The following SPRY4 variants were observed in gnomAD, a reference collection of about 807,000 sequenced individuals.
SPRY4 encodes protein sprouty homolog 4.
A neutral mutation model predicts 17.0 loss-of-function variants in SPRY4; 7 were observed. That is an observed-to-expected ratio of 0.41 (90% CI 0.23 to 0.77). The LOEUF (loss-of-function observed/expected upper bound fraction) is 0.77. Among genes scored for constraint, SPRY4 ranks in the 30% least tolerant of loss-of-function variants. The probability of loss-of-function intolerance (pLI) is 0.32; values close to 1 mark genes in which losing one functional copy is unlikely to be tolerated. For missense variants in SPRY4, 435 were observed against 419.9 expected (o/e 1.04, Z -0.31); for synonymous variants, 183 against 174.1 (o/e 1.05, Z -0.40).
chr5:142,319,184 A>T (rs1490936487), intron 1 of SPRY4, among the ~76,000 whole-genome samples: 1 of 151,824 alleles, frequency 6.6e-6, no homozygotes, highest in East Asian at 1.9e-4. Context: ...ACAACCATGG[A>T]CTCCTCCAGC....
rs1554099210 is a variant in SPRY4 at position 142,311,935 on chromosome 5, G to GGGGTGT, written c.*2273_*2274insACACCC. 2 of 140,384 alleles carry GGGGTGT rather than the reference G, an allele frequency of 1.4e-5. No homozygotes were observed. Among genetic ancestry groups the GGGGTGT allele is most frequent in the African/African-American group, 5.4e-5 (2 of 36,848 alleles). The allele number at this position is 140,384 out of a possible 1,614,324, so 8.7% of individuals were successfully genotyped here. On this transcript the variant is annotated 3_prime_UTR_variant, in exon 2 of 2. Coordinates refer to ENST00000434127, the MANE Select transcript of SPRY4 (RefSeq NM_001127496.3). Reference sequence around the variant, plus strand: ...CGGTAGACAGTCAGTGTGGGGTAGGGGTGTGTGTGTGTGTGTGTGTGTGTG... The same window carrying GGGGTGT: ...CGGTAGACAGTCAGTGTGGGGTAGGGGGGTGTGTGTGTGTGTGTGTGTGTGTGTGTG...
Position 142,314,217 on chromosome 5 carries a change from G to T in SPRY4, c.892C>A (p.Pro298Thr). The change falls in exon 2 of 2, where the codon CCT becomes ACT. Residue 298 changes from proline (P) to threonine (T), a missense_variant. By Grantham distance (38) the Pro-to-Thr change is conservative (BLOSUM62 -1). Coordinates refer to ENST00000434127, the MANE Select transcript of SPRY4 (RefSeq NM_001127496.3). The surrounding 1 kb of genome is among the most constrained non-coding windows in gnomAD (Gnocchi z 4.8). ...GDAKTSRPDK[P>T]F ...GGCTTCGACACAAACTGTCAGAAAG[G>T]CTTGTCGGGCCTGCTGGTCTTGGCA... 3 of 1,607,018 alleles carry T rather than the reference G, an allele frequency of 1.9e-6. No individual in the cohort carries two copies. The highest frequency in any genetic ancestry group is 1.7e-6 in the Non-Finnish European group (2 of 1,177,266).
rs200416424 is a variant in SPRY4, at chr5:142,314,926, G to A, written c.183C>T (p.Thr61=). 5.8e-5 allele frequency: 94 copies of A among 1,612,846 alleles called. No individual in the cohort carries two copies. Among genetic ancestry groups the A allele is most frequent in the Non-Finnish European group, 7.5e-5 (89 of 1,179,042 alleles). ...CGCCCCGGGTCCGCTTTGGGCCGGT[G>A]GTCAGGGCCAGGCTAGGGTTGTCTA... ...DYIDNPSLAL[T]TGPKRTRGGA... The change falls in exon 2 of 2, where the codon ACC becomes ACT. Residue 61 remains threonine (T), a synonymous_variant. Transcript: ENST00000434127. This position sits in a 1 kb window ranked among gnomAD's most constrained non-coding sequence, Gnocchi z 4.8.
chr5:142,316,602 T>C (rs1052537545), intron 1 of SPRY4, among the ~76,000 whole-genome samples: 1 of 152,082 alleles, frequency 6.6e-6, no homozygotes, highest in African/African-American at 2.4e-5. Context: ...TGGGGTGGGG[T>C]TTTAGTAAAT....
In SPRY4 at chr5:142,314,102, C is replaced by A. The variant is rs962728538; in HGVS notation, c.*107G>T. 3.2e-6 allele frequency: 4 copies of A among 1,233,066 alleles called. No homozygotes were observed. The highest frequency in any genetic ancestry group is 4.4e-6 in the Non-Finnish European group (4 of 903,636). The allele number at this position is 1,233,066 out of a possible 1,614,324, so 76.4% of individuals were successfully genotyped here. On this transcript the variant is annotated 3_prime_UTR_variant, in exon 2 of 2. Transcript: ENST00000434127. The surrounding 1 kb of genome is among the most constrained non-coding windows in gnomAD (Gnocchi z 4.8). ...TGGGGGTAGGGAGTGGGCAGACTAG[C>A]AAGGTCAGCCTCAGGAGGCTAAAAC...
chr5:142,314,621 CCACAGGCCTCG>C lies in SPRY4; in HGVS notation c.477_487del (p.Cys159TrpfsTer4). On this transcript the variant is annotated frameshift_variant, in exon 2 of 2. Coordinates refer to ENST00000434127, the MANE Select transcript of SPRY4 (RefSeq NM_001127496.3). LOFTEE classifies it high-confidence loss of function. The surrounding 1 kb of genome is among the most constrained non-coding windows in gnomAD (Gnocchi z 4.8). ...TGCACACTCCTTGCATTTACACTTC[CCACAGGCCTCG>C]CACAGCAAGAAGTGCTTGTCCAGCT... The C allele has an allele frequency of 6.2e-7, 1 of 1,614,224 alleles. No individual in the cohort carries two copies. The highest frequency in any genetic ancestry group is 8.5e-7 in the Non-Finnish European group (1 of 1,180,038).
At chr5:142,318,142 C>G in intron 1 of SPRY4, 1 of 984,922 alleles carries the variant, frequency 1.0e-6, no homozygotes, top group Non-Finnish European at 1.2e-6. Context: ...ATTTAAGAAC[C>G]CCTCAGCACA....
At chr5:142,323,361 T>G (rs1162761940) in intron 1 of SPRY4, among the ~76,000 whole-genome samples, 1 of 152,154 alleles carries the variant, frequency 6.6e-6, no homozygotes, top group African/African-American at 2.4e-5. Context: ...CTGGAGAGAA[T>G]CACGCCACTG....
chr5:142,315,257 T>C (rs1472371716), intron 1 of SPRY4, 102 bp from the exon 2 acceptor site: 2 of 710,448 alleles, frequency 2.8e-6, no homozygotes, highest in Non-Finnish European at 4.6e-6. Context: ...AGCCGCCCAA[T>C]TGACATAGGA....
rs771426744 is a variant in SPRY4 at position 142,314,804 on chromosome 5, C to T, written c.305G>A (p.Ser102Asn). The change falls in exon 2 of 2, where the codon AGC becomes AAC. Residue 102 changes from serine to asparagine, a missense_variant. Physicochemically the swap from Ser to Asn is conservative, Grantham distance 46. Transcript: ENST00000434127. The surrounding 1 kb of genome is among the most constrained non-coding windows in gnomAD (Gnocchi z 4.8). ...FSGRPSSVSSSSSTSSDQRLL... is the reference protein window; with the variant it reads ...FSGRPSSVSSNSSTSSDQRLL... ...CCGTTGGTCAGAGGATGTGCTGCTG[C>T]TGCTGCTCACAGAGCTGGGGCGCCC... The T allele has an allele frequency of 6.3e-7, 1 of 1,593,424 alleles. No homozygotes were observed. The highest frequency in any genetic ancestry group is 1.1e-5 in the South Asian group (1 of 88,662).
At chr5:142,316,924 G>T in intron 1 of SPRY4, 1 of 899,198 alleles carries the variant, frequency 1.1e-6, no homozygotes, top group Non-Finnish European at 1.3e-6. Flanking sequence ...TTAAAAGGAT[G>T]CTGGTATTTC....
rs779627371 is a variant in SPRY4 at position 142,314,288 on chromosome 5, C to T, written c.821G>A (p.Arg274His). Reference protein sequence around the residue: ...GYDRLRRPGCRCKHTNSVICK... With the variant: ...GYDRLRRPGCHCKHTNSVICK... ...GATGACGCTGTTCGTGTGCTTGCAG[C>T]GGCAACCAGGGCGGCGCAGACGGTC... is the stretch of plus-strand genomic sequence containing the variant. Residue 274 changes from arginine (R) to histidine (H), a missense_variant, in exon 2 of 2, where the codon CGC (arginine) becomes CAC (histidine). Arg to His is a conservative substitution (Grantham distance 29). Coordinates refer to ENST00000434127, the MANE Select transcript of SPRY4 (RefSeq NM_001127496.3). The surrounding 1 kb of genome is among the most constrained non-coding windows in gnomAD (Gnocchi z 4.8). 5.5e-5 allele frequency: 89 copies of T among 1,613,674 alleles called. 1 individual carries two copies. Among genetic ancestry groups the T allele is most frequent in the Non-Finnish European group, 6.8e-5 (80 of 1,179,984 alleles).
At position 142,314,304 on chromosome 5, in the gene SPRY4, G is replaced by A. The variant is rs773430976; in HGVS notation, c.805C>T (p.Arg269Cys). The change falls in exon 2 of 2, where the codon CGC becomes TGC. Residue 269 changes from arginine to cysteine, a missense_variant. Coordinates refer to ENST00000434127, the MANE Select transcript of SPRY4 (RefSeq NM_001127496.3). This position sits in a 1 kb window ranked among gnomAD's most constrained non-coding sequence, Gnocchi z 4.8. The part of the protein sequence containing the change: ...KLAQRGYDRL[R>C]RPGCRCKHTN... ...TGCTTGCAGCGGCAACCAGGGCGGC[G>A]CAGACGGTCGTAGCCACGCTGGGCC... The A allele has an allele frequency of 2.5e-5, 40 of 1,613,736 alleles. 1 individual carries two copies. Among genetic ancestry groups the A allele is most frequent in the Middle Eastern group, 3.3e-4 (2 of 6,078 alleles).
At position 142,322,489 on chromosome 5, in the gene SPRY4, T is replaced by A. The variant is rs1367511792; in HGVS notation, c.-48+2355A>T. On this transcript the variant is annotated intron_variant, in intron 1 of 1. Coordinates refer to ENST00000434127, the MANE Select transcript of SPRY4 (RefSeq NM_001127496.3). Reference sequence around the variant, plus strand: ...CGTCTCAAGAAAAAAAAAAAATATATATATATATATATAAATGAAAACGAC... The same window carrying A: ...CGTCTCAAGAAAAAAAAAAAATATAAATATATATATATAAATGAAAACGAC... 3.1e-3 allele frequency among the ~76,000 whole-genome samples: 409 copies of A among 131,894 alleles called. 2 individuals are homozygous for A. Among genetic ancestry groups the A allele is most frequent in the East Asian group, 1.0e-2 (36 of 3,612 alleles). 86.5% of individuals were successfully genotyped at this position (131,894 alleles called of 152,430 possible). A position where few individuals can be genotyped will look rare whatever the true frequency, so the allele number is the denominator to read the frequency against.
chr5:142,319,697 G>A (rs775248610), intron 1 of SPRY4: 2 of 1,598,542 alleles, frequency 1.3e-6, no homozygotes, highest in African/African-American at 1.3e-5. Flanking sequence ...TGCTTGGCGG[G>A]TCTGGGAGCC....
chr5:142,318,915 G>A (rs991986072), intron 1 of SPRY4, among the ~76,000 whole-genome samples: 11 of 152,268 alleles, frequency 7.2e-5, no homozygotes, highest in African/African-American at 1.7e-4. Context: ...GCCAGGCTCC[G>A]TGCTAAGCCC....
intron 1 of SPRY4, 132 bp from the exon 2 acceptor site, chr5:142,315,287 C>CT (rs1455285524): frequency 3.3e-6 from 2 of 610,846 alleles, no homozygotes; most frequent in African/African-American, 3.7e-5. Context: ...CCTCTGTGGA[C>CT]TTTCCAGTGA....
rs1412795714 is a variant in SPRY4 at position 142,314,114 on chromosome 5, C to T, written c.*95G>A. The T allele has an allele frequency of 8.8e-6, 12 of 1,363,566 alleles. No individual in the cohort carries two copies. The highest frequency in any genetic ancestry group is 1.2e-5 in the Non-Finnish European group (12 of 1,015,386). 84.5% of individuals were successfully genotyped at this position (1,363,566 alleles called of 1,614,324 possible). A position where few individuals can be genotyped will look rare whatever the true frequency, so the allele number is the denominator to read the frequency against. On this transcript the variant is annotated 3_prime_UTR_variant, in exon 2 of 2. Transcript: ENST00000434127. This position sits in a 1 kb window ranked among gnomAD's most constrained non-coding sequence, Gnocchi z 4.8. Reference sequence around the variant, plus strand: ...GTGGGCAGACTAGCAAGGTCAGCCTCAGGAGGCTAAAACCTCTGACCTTGC... The same window carrying T: ...GTGGGCAGACTAGCAAGGTCAGCCTTAGGAGGCTAAAACCTCTGACCTTGC...
In SPRY4 at chr5:142,314,792, G is replaced by T; in HGVS notation, c.317C>A (p.Ser106Tyr). ...PSSVSSSSST[S>Y]SDQRLLDHMA... ...GTGGTCTAAGAGCCGTTGGTCAGAG[G>T]ATGTGCTGCTGCTGCTGCTCACAGA... is the stretch of plus-strand genomic sequence containing the variant. The change falls in exon 2 of 2, where the codon TCC becomes TAC. Residue 106 changes from serine to tyrosine, a missense_variant. Transcript: ENST00000434127. This position sits in a 1 kb window ranked among gnomAD's most constrained non-coding sequence, Gnocchi z 4.8. The T allele has an allele frequency of 6.3e-7, 1 of 1,597,196 alleles. No individual in the cohort carries two copies. Among genetic ancestry groups the T allele is most frequent in the Non-Finnish European group, 8.6e-7 (1 of 1,168,414 alleles).
Sources: gnomAD v4.1 joint callset for allele counts (sites outside exome capture counted in the v4.1 genomes callset) on GRCh38, gnomAD v4.1.1 for gene constraint, Gnocchi (gnomAD v3.1) non-coding constraint, MANE v1.5 for transcripts, NCBI Gene and HGNC (gene_info 2026-07-23, HGNC 2026-07-21) for gene names.